The following TBL1X variants were observed in gnomAD, a reference collection of about 807,000 sequenced individuals.
TBL1X encodes transducin beta like 1 X-linked, also known as F-box-like/WD repeat-containing protein TBL1X.
TBL1X carries 10 observed loss-of-function variants against 50.7 expected under a neutral mutation model. That is an observed-to-expected ratio of 0.20 (90% CI 0.12 to 0.33). TBL1X has a LOEUF of 0.33. Among genes scored for constraint, TBL1X ranks in the 10% least tolerant of loss-of-function variants. The pLI is 1.00. For missense variants in TBL1X, 340 were observed against 504.4 expected (o/e 0.67, Z 3.12); for synonymous variants, 190 against 214.7 (o/e 0.88, Z 1.01).
intron 1 of TBL1X, among the ~76,000 whole-genome samples, chrX:9,487,150 T>G (rs1359059476): frequency 8.9e-6 from 1 of 112,025 alleles, no homozygotes; most frequent in Non-Finnish European, 1.9e-5. Flanking sequence ...ATGACAACTT[T>G]ACTGAGCATA....
At chrX:9,478,660 A>G (rs189652143) in intron 1 of TBL1X, among the ~76,000 whole-genome samples, 4 of 112,290 alleles carry the variant, frequency 3.6e-5, no homozygotes, top group African/African-American at 6.5e-5. Context: ...AGGCAAAGAC[A>G]TGAACCATTG....
chrX:9,555,886 G>A (rs2082295056), intron 2 of TBL1X, among the ~76,000 whole-genome samples: 1 of 111,456 alleles, frequency 9.0e-6, no homozygotes, highest in Non-Finnish European at 1.9e-5. Context: ...GGAGTGGATG[G>A]GAGAATAAAG....
intron 2 of TBL1X, among the ~76,000 whole-genome samples, chrX:9,622,647 GTTTGTTTGTTTC>G (rs1445044416): frequency 7.6e-4 from 84 of 111,003 alleles, no homozygotes; most frequent in Non-Finnish European, 1.5e-3. Flanking sequence ...TTGTTTGCTT[GTTTGTTTGTTTC>G]TTTGTTTGTT....
chrX:9,554,390 T>A (rs1326234806), intron 2 of TBL1X, among the ~76,000 whole-genome samples: 1 of 112,469 alleles, frequency 8.9e-6, no homozygotes, highest in Non-Finnish European at 1.9e-5. Context: ...AAGACACATT[T>A]TATGCATTTT....
chrX:9,667,481 A>G (rs2082937522), intron 5 of TBL1X, among the ~76,000 whole-genome samples: 1 of 112,232 alleles, frequency 8.9e-6, no homozygotes, highest in South Asian at 3.7e-4. Flanking sequence ...TGTTTAACAG[A>G]AAATTATAAA....
rs757107084 is a variant in TBL1X at position 9,713,421 on chromosome X, C to CTTTTTTTTTTTTTTTTTTT, written c.1606-1477_1606-1476insTTTTTTTTTTTTTTTTTTT. On this transcript the variant is annotated intron_variant, in intron 16 of 17. Transcript: ENST00000645353. ...TTATAAATCAAAGAAATCCTTAGGA[C>CTTTTTTTTTTTTTTTTTTT]TTTTCTTTTTTTTTTTTTTTTTTGG... Among the ~76,000 whole-genome samples the CTTTTTTTTTTTTTTTTTTT allele has an allele frequency of 6.9e-5, 6 of 87,570 alleles. 2 individuals carry two copies. The highest frequency in any genetic ancestry group is 9.8e-4 in the South Asian group (2 of 2,050). The allele number at this position is 87,570 out of a possible 115,157, so 76.0% of individuals were successfully genotyped here. A position where few individuals can be genotyped will look rare whatever the true frequency, so the allele number is the denominator to read the frequency against.
chrX:9,535,139 T>C (rs2082181443), intron 2 of TBL1X: 1 of 111,611 alleles, frequency 9.0e-6, no homozygotes, highest in Admixed American at 9.6e-5. Flanking sequence ...GACCCAGGCT[T>C]CCAGAAGCCA....
At chrX:9,562,117 T>C (rs1205654210) in intron 2 of TBL1X, among the ~76,000 whole-genome samples, 1 of 112,320 alleles carries the variant, frequency 8.9e-6, no homozygotes, top group African/African-American at 3.2e-5. Flanking sequence ...AGATGCGCTA[T>C]GTCATCTCTG....
Position 9,716,442 on chromosome X carries a change from A to G in TBL1X, c.*196A>G, listed in dbSNP as rs1223947256. ...AAGTTTTTAAAAGGCAAGCAAAAAC[A>G]GAAGCAAATCATATCAAACGGGGAT... On this transcript the variant is annotated 3_prime_UTR_variant, in exon 18 of 18. Coordinates refer to ENST00000645353, the MANE Select transcript of TBL1X (RefSeq NM_005647.4). The G allele has an allele frequency of 1.7e-5, 7 of 416,390 alleles. No individual in the cohort carries two copies. The Admixed American group carries it at 3.0e-4, about 18-fold the overall frequency. The allele number at this position is 416,390 out of a possible 1,213,427, so 34.3% of individuals were successfully genotyped here. A position where few individuals can be genotyped will look rare whatever the true frequency, so the allele number is the denominator to read the frequency against.
At chrX:9,491,323 TATATATATA>T (rs1377326943) in intron 1 of TBL1X, among the ~76,000 whole-genome samples, 2 of 42,251 alleles carry the variant, frequency 4.7e-5, no homozygotes, top group African/African-American at 2.1e-4. Context: ...TATATATATA[TATATATATA>T]TATATATTTT....
At chrX:9,499,504 G>A (rs762419332) in intron 1 of TBL1X, among the ~76,000 whole-genome samples, 191 of 112,219 alleles carry the variant, frequency 1.7e-3, no homozygotes, top group Non-Finnish European at 3.2e-3. Flanking sequence ...ATGTTTGTGA[G>A]GCCGAGAGAG....
chrX:9,531,354 GGTGTGTGTGTGTGTGTGTGTGT>G (rs57905343), intron 2 of TBL1X, among the ~76,000 whole-genome samples: 9 of 75,214 alleles, frequency 1.2e-4, no homozygotes, highest in Non-Finnish European at 1.8e-4. Flanking sequence ...GAACCTGGAG[GGTGTGTGTGTGTGTGTGTGTGT>G]GTGTGTGTGT....
At chrX:9,576,240 G>A (rs1257089253) in intron 2 of TBL1X, among the ~76,000 whole-genome samples, 1 of 112,216 alleles carries the variant, frequency 8.9e-6, no homozygotes, top group African/African-American at 3.2e-5. Flanking sequence ...GTGCACTTGA[G>A]TACGCGCTGC....
Position 9,554,765 on chromosome X carries a change from C to T in TBL1X, c.-131+52916C>T, listed in dbSNP as rs1352022166. 6.3e-5 allele frequency among the ~76,000 whole-genome samples: 7 copies of T among 111,823 alleles called. No individual in the cohort carries two copies. The East Asian group carries it at 1.9e-3, about 31-fold the overall frequency. On this transcript the variant is annotated intron_variant, in intron 2 of 17. Transcript: ENST00000645353. Reference sequence around the variant, plus strand: ...GCTTTACTGAGATATAATTTACATACCATAAAATTCCCCTATTGTAAATGT... The same window carrying T: ...GCTTTACTGAGATATAATTTACATATCATAAAATTCCCCTATTGTAAATGT...
intron 5 of TBL1X, among the ~76,000 whole-genome samples, chrX:9,662,091 G>A (rs1768521019): frequency 9.0e-6 from 1 of 111,538 alleles, no homozygotes; most frequent in African/African-American, 3.3e-5. Context: ...ACAGGGTGCT[G>A]TCAGTCGAGT....
chrX:9,522,013 CT>C (rs138830348), intron 2 of TBL1X, among the ~76,000 whole-genome samples: 2,011 of 88,030 alleles, frequency 0.023, 65 homozygotes, highest in African/African-American at 0.075. Flanking sequence ...TTCTTCGTTT[CT>C]TTTTTTTTTT....
At chrX:9,709,505 C>G in intron 14 of TBL1X, 128 bp from the exon 15 acceptor site, 4 of 1,043,288 alleles carry the variant, frequency 3.8e-6, no homozygotes, top group South Asian at 4.4e-5. Context: ...CTCCCTGCAG[C>G]CTTTCTCACC....
intron 2 of TBL1X, among the ~76,000 whole-genome samples, chrX:9,580,503 A>G (rs932648617): frequency 8.9e-6 from 1 of 111,975 alleles, no homozygotes; most frequent in African/African-American, 3.3e-5. Context: ...CAGTGAGCAG[A>G]GGCCTGTCGT....
chrX:9,617,836 G>T (rs2082646744), intron 2 of TBL1X, among the ~76,000 whole-genome samples: 1 of 112,132 alleles, frequency 8.9e-6, no homozygotes. Flanking sequence ...TGAAAACTGA[G>T]TTTGAGGGAA....
Sources: gnomAD v4.1 joint callset for allele counts (sites outside exome capture counted in the v4.1 genomes callset) on GRCh38, gnomAD v4.1.1 for gene constraint, MANE v1.5 for transcripts, NCBI Gene and HGNC (gene_info 2026-07-23, HGNC 2026-07-21) for gene names.